ANO5: variants seen among roughly 807,000 people sequenced by gnomAD.
ANO5 encodes the protein anoctamin-5.
A neutral mutation model predicts 121.0 loss-of-function variants in ANO5; 109 were observed. That is an observed-to-expected ratio of 0.90 (90% confidence interval 0.77 to 1.06). ANO5 has a LOEUF of 1.06. ANO5 is among the 50% of genes least tolerant of loss of function. The probability of loss-of-function intolerance (pLI) is 0.00; values close to 1 mark genes in which losing one functional copy is unlikely to be tolerated. For missense variants in ANO5, 1,064 were observed against 1,078.5 expected (o/e 0.99, Z 0.19); for synonymous variants, 406 against 359.9 (o/e 1.13, Z -1.45).
chr11:22,193,204 G>C lies in ANO5; in HGVS notation c.-289G>C, dbSNP rs1156437974. 10 of 1,292,042 alleles carry C rather than the reference G, an allele frequency of 7.7e-6. No homozygotes were observed. The highest frequency in any genetic ancestry group is 1.5e-5 in the African/African-American group (1 of 65,944). The allele number at this position is 1,292,042 out of a possible 1,614,324, so 80.0% of individuals were successfully genotyped here. On this transcript the variant is annotated 5_prime_UTR_variant, in exon 1 of 22. Transcript: ENST00000324559. ...GCGCCCAGGAGCGCTACCGGCTGAG[G>C]GTGGGGAAGCGCAGGGCCAAGCGCG...
At chr11:22,239,436 A>T in intron 8 of ANO5, 133 bp from the exon 9 acceptor site, 1 of 672,798 alleles carries the variant, frequency 1.5e-6, no homozygotes, top group South Asian at 1.7e-5. Flanking sequence ...ATTTCACATC[A>T]ATTGAATATG....
At chr11:22,206,492 T>A (rs958101201) in intron 2 of ANO5, among the ~76,000 whole-genome samples, 3 of 152,192 alleles carry the variant, frequency 2.0e-5, no homozygotes, top group Admixed American at 2.0e-4. Flanking sequence ...TTTATAATTT[T>A]AGTAGAGATG....
At chr11:22,274,163 T>TACAC (rs34022294) in intron 19 of ANO5, among the ~76,000 whole-genome samples, 1,881 of 143,826 alleles carry the variant, frequency 0.013, 27 homozygotes, top group African/African-American at 0.037. Flanking sequence ...GTTAATCTCT[T>TACAC]ACACACACAC....
intron 1 of ANO5, among the ~76,000 whole-genome samples, chr11:22,197,970 A>G (rs953967754): frequency 3.9e-5 from 6 of 152,202 alleles, no homozygotes; most frequent in African/African-American, 1.2e-4. Flanking sequence ...GTGATTATGC[A>G]TAGTCACAGC....
At chr11:22,270,565 AAAG>A in intron 18 of ANO5, 123 bp downstream of exon 18, 1 of 1,404,842 alleles carries the variant, frequency 7.1e-7, no homozygotes, top group Non-Finnish European at 9.9e-7. Flanking sequence ...GGTTGGCAAA[AAAG>A]ATGAGTGGAG....
At chr11:22,225,724 T>G (rs1852803178) in intron 5 of ANO5, among the ~76,000 whole-genome samples, 1 of 152,122 alleles carries the variant, frequency 6.6e-6, no homozygotes, top group African/African-American at 2.4e-5. Context: ...TGTTATTCAG[T>G]AAAGTTTTGT....
At chr11:22,215,998 A>G (rs1852431105) in intron 3 of ANO5, among the ~76,000 whole-genome samples, 2 of 151,898 alleles carry the variant, frequency 1.3e-5, no homozygotes, top group Admixed American at 1.3e-4. Flanking sequence ...TTCTGAATAT[A>G]TCTGTACTAG....
intron 3 of ANO5, among the ~76,000 whole-genome samples, chr11:22,216,674 G>A (rs571028632): frequency 1.3e-5 from 2 of 151,922 alleles, no homozygotes; most frequent in South Asian, 4.1e-4. Flanking sequence ...TTTTAGAAAA[G>A]CACATTTAGA....
intron 17 of ANO5, among the ~76,000 whole-genome samples, chr11:22,263,854 C>T (rs1428373739): frequency 1.3e-5 from 2 of 152,044 alleles, no homozygotes; most frequent in East Asian, 3.9e-4. Flanking sequence ...ACCATCCCTG[C>T]ACCTTCCCAC....
At chr11:22,264,373 C>G (rs1001519377) in intron 17 of ANO5, among the ~76,000 whole-genome samples, 13 of 151,296 alleles carry the variant, frequency 8.6e-5, no homozygotes, top group Admixed American at 6.6e-4. Context: ...ACCCAGAGGA[C>G]TGAATGGAGG....
chr11:22,255,123 G>GA (rs947626958), intron 12 of ANO5, among the ~76,000 whole-genome samples: 2 of 151,928 alleles, frequency 1.3e-5, no homozygotes, highest in African/African-American at 2.4e-5. Context: ...TAATATGTCT[G>GA]AAAAAAATTC....
chr11:22,272,011 CG>C (rs1022665684), intron 18 of ANO5, among the ~76,000 whole-genome samples: 2 of 151,900 alleles, frequency 1.3e-5, no homozygotes, highest in African/African-American at 4.8e-5. Flanking sequence ...GGAGGAATAA[CG>C]GAAATTTTTT....
chr11:22,227,116 A>G (rs1448206659), intron 6 of ANO5, among the ~76,000 whole-genome samples, 186 bp from the exon 7 acceptor site: 1 of 151,486 alleles, frequency 6.6e-6, no homozygotes, highest in African/African-American at 2.5e-5. Flanking sequence ...GTATACATAT[A>G]TACATGTTTT....
At chr11:22,266,349 T>G (rs906768037) in intron 17 of ANO5, among the ~76,000 whole-genome samples, 2 of 152,150 alleles carry the variant, frequency 1.3e-5, no homozygotes, top group African/African-American at 4.8e-5. Context: ...TGCTTTTTCC[T>G]CTTTACATCA....
intron 5 of ANO5, among the ~76,000 whole-genome samples, chr11:22,224,313 C>T (rs911469795): frequency 6.6e-6 from 1 of 151,992 alleles, no homozygotes. Flanking sequence ...TCTCTTCCAA[C>T]TGTGCATAAC....
At chr11:22,241,601 A>T (rs1031121368) in intron 9 of ANO5, among the ~76,000 whole-genome samples, 10 of 152,004 alleles carry the variant, frequency 6.6e-5, no homozygotes, top group Admixed American at 6.6e-4. Flanking sequence ...CTGGTATGAG[A>T]TGTTATCTGA....
rs1257016939 is a variant in ANO5 at position 22,263,050 on chromosome 11, A to G, written c.1898+7A>G. 1.9e-6 allele frequency: 3 copies of G among 1,593,352 alleles called. No homozygotes were observed. Among genetic ancestry groups the G allele is most frequent in the East Asian group, 4.5e-5 (2 of 44,662 alleles). Reference sequence around the variant, plus strand: ...TTAAAGAAGCCATTTATCCGTATGTATGACTTACAAGCTTTTTATTTGATT... The same window carrying G: ...TTAAAGAAGCCATTTATCCGTATGTGTGACTTACAAGCTTTTTATTTGATT... On this transcript the variant is annotated splice_region_variant and intron_variant, in intron 17 of 21. Coordinates refer to ENST00000324559, the MANE Select transcript of ANO5 (RefSeq NM_213599.3).
chr11:22,206,156 TA>T (rs968810516), intron 2 of ANO5, among the ~76,000 whole-genome samples: 2 of 151,300 alleles, frequency 1.3e-5, no homozygotes, highest in South Asian at 2.1e-4. Flanking sequence ...ACAGACAGTT[TA>T]AAAAAAAATG....
intron 7 of ANO5, among the ~76,000 whole-genome samples, chr11:22,233,613 G>A (rs1019115651): frequency 9.9e-5 from 15 of 152,004 alleles, no homozygotes; most frequent in African/African-American, 3.1e-4. Flanking sequence ...AAAGAAGTCA[G>A]ACTGAGCCAA....
Sources: gnomAD v4.1 joint callset for allele counts (sites outside exome capture counted in the v4.1 genomes callset) on GRCh38, gnomAD v4.1.1 for gene constraint, MANE v1.5 for transcripts, NCBI Gene and HGNC (gene_info 2026-07-23, HGNC 2026-07-21) for gene names.